The following DYNC1I2 variants were observed in gnomAD, a reference collection of about 807,000 sequenced individuals.
DYNC1I2 encodes the protein cytoplasmic dynein 1 intermediate chain 2.
A neutral mutation model predicts 88.6 loss-of-function variants in DYNC1I2; 53 were observed. The ratio of observed to expected loss-of-function variants is 0.60; its 90% CI spans 0.48 to 0.75. The LOEUF (loss-of-function observed/expected upper bound fraction) is 0.75. Among genes scored for constraint, DYNC1I2 ranks in the 30% least tolerant of loss-of-function variants. The pLI, the probability that DYNC1I2 is intolerant of heterozygous loss-of-function variation, is 0.00. For synonymous variants in DYNC1I2, 198 were observed against 254.6 expected (o/e 0.78, Z 2.12); for missense variants, 458 against 766.6 (o/e 0.60, Z 4.75).
intron 3 of DYNC1I2, among the ~76,000 whole-genome samples, chr2:171,698,173 TTTAA>T (rs1430688708): frequency 2.0e-5 from 3 of 152,324 alleles, no homozygotes; most frequent in East Asian, 1.9e-4. Context: ...ATCTAAGTTA[TTTAA>T]TTAAGAGTTG....
At chr2:171,707,606 C>G (rs950856458) in intron 5 of DYNC1I2, among the ~76,000 whole-genome samples, 2 of 151,898 alleles carry the variant, frequency 1.3e-5, no homozygotes, top group Non-Finnish European at 2.9e-5. Flanking sequence ...ACTAAATAGT[C>G]AACCGGTTTT....
At chr2:171,719,611 G>A (rs992882113) in intron 7 of DYNC1I2, among the ~76,000 whole-genome samples, 8 of 152,130 alleles carry the variant, frequency 5.3e-5, no homozygotes, top group Admixed American at 2.6e-4. Context: ...ACAGAAATCC[G>A]TGACTTACCA....
At chr2:171,703,332 C>T (rs940070941) in intron 3 of DYNC1I2, among the ~76,000 whole-genome samples, 4 of 152,140 alleles carry the variant, frequency 2.6e-5, no homozygotes, top group African/African-American at 9.7e-5. Flanking sequence ...ACCTCCTGGG[C>T]TCAAACAATC....
At chr2:171,710,122 TACACACACACACACACAC>T (rs55862813) in intron 5 of DYNC1I2, among the ~76,000 whole-genome samples, 45 of 144,438 alleles carry the variant, frequency 3.1e-4, no homozygotes, top group African/African-American at 9.9e-4. Flanking sequence ...TATGTATATA[TACACACACACACACACAC>T]ACACACACAC....
At chr2:171,726,680 G>T in intron 10 of DYNC1I2, 111 bp from the exon 11 acceptor site, 1 of 1,259,858 alleles carries the variant, frequency 7.9e-7, no homozygotes, top group Non-Finnish European at 1.1e-6. Flanking sequence ...TTGATGAAAT[G>T]TTAGGTATTT....
intron 3 of DYNC1I2, among the ~76,000 whole-genome samples, chr2:171,705,662 A>G (rs150353365): frequency 8.5e-4 from 129 of 152,200 alleles, no homozygotes; most frequent in Middle Eastern, 3.4e-3. Flanking sequence ...CAAAAAATGA[A>G]GAAATGTAAC....
intron 15 of DYNC1I2, among the ~76,000 whole-genome samples, chr2:171,734,912 T>A (rs911878451): frequency 6.6e-6 from 1 of 152,232 alleles, no homozygotes; most frequent in African/African-American, 2.4e-5. Context: ...GCAGTGTTTT[T>A]AAATAATCTC....
chr2:171,709,390 T>C (rs1193762798), intron 5 of DYNC1I2, among the ~76,000 whole-genome samples: 1 of 152,176 alleles, frequency 6.6e-6, no homozygotes, highest in Non-Finnish European at 1.5e-5. Flanking sequence ...TATTCATGTA[T>C]AGAACAAATA....
At chr2:171,728,102 G>T (rs975260054) in intron 12 of DYNC1I2, 135 bp downstream of exon 12, 3 of 1,135,092 alleles carry the variant, frequency 2.6e-6, no homozygotes, top group Admixed American at 3.4e-5. Context: ...TAGCAACCAA[G>T]AATGAAGGCT....
At chr2:171,710,490 A>G (rs1170229955) in intron 5 of DYNC1I2, among the ~76,000 whole-genome samples, 8 of 152,208 alleles carry the variant, frequency 5.3e-5, no homozygotes, top group Non-Finnish European at 1.0e-4. Flanking sequence ...ATAAGACATT[A>G]TAAAATATGC....
intron 15 of DYNC1I2, among the ~76,000 whole-genome samples, chr2:171,740,265 T>C (rs1689330713): frequency 6.6e-6 from 1 of 152,238 alleles, no homozygotes; most frequent in East Asian, 1.9e-4. Context: ...CGTTAACGTC[T>C]CTTCAGTCTT....
chr2:171,694,106 C>T lies in DYNC1I2; in HGVS notation c.226+1212C>T, dbSNP rs188503955. Among the ~76,000 whole-genome samples, 40 of 151,342 alleles carry T rather than the reference C, an allele frequency of 2.6e-4. 2 individuals carry two copies. The highest frequency in any genetic ancestry group is 3.4e-4 in the Non-Finnish European group (23 of 67,824). On this transcript the variant is annotated intron_variant, in intron 3 of 17. Coordinates refer to ENST00000397119, the MANE Select transcript of DYNC1I2 (RefSeq NM_001378.3). ...AGGCTGGAGTGCAGTGGCACAATCT[C>T]GGCTCACTGCAACCTCCACCTCCTG...
chr2:171,724,971 T>A (rs1028609910), intron 7 of DYNC1I2, among the ~76,000 whole-genome samples: 2 of 152,222 alleles, frequency 1.3e-5, no homozygotes, highest in Admixed American at 1.3e-4. Flanking sequence ...TTATTTTAAG[T>A]GCTTATTGCC....
chr2:171,691,726 T>C (rs1306269253), intron 2 of DYNC1I2, among the ~76,000 whole-genome samples: 1 of 152,182 alleles, frequency 6.6e-6, no homozygotes, highest in Non-Finnish European at 1.5e-5. Context: ...GAGAGCAAAT[T>C]TCATTTTTGT....
At chr2:171,701,033 G>C (rs1436314936) in intron 3 of DYNC1I2, among the ~76,000 whole-genome samples, 2 of 152,182 alleles carry the variant, frequency 1.3e-5, no homozygotes, top group Non-Finnish European at 2.9e-5. Flanking sequence ...TAAACCATTT[G>C]TAGCCAATAA....
In DYNC1I2 at chr2:171,748,985, T is replaced by G. The variant is rs909622921; in HGVS notation, c.*1096T>G. Among the ~76,000 whole-genome samples, 2 of 152,172 alleles carry G rather than the reference T, an allele frequency of 1.3e-5. No homozygotes were observed. Among genetic ancestry groups the G allele is most frequent in the Non-Finnish European group, 2.9e-5 (2 of 68,016 alleles). On this transcript the variant is annotated 3_prime_UTR_variant, in exon 18 of 18. Coordinates refer to ENST00000397119, the MANE Select transcript of DYNC1I2 (RefSeq NM_001378.3). ...TCTTGATTTTATCTACTTTAAATTG[T>G]CTATTTATTTGATCCCAACCTTTTG...
intron 8 of DYNC1I2, 84 bp from the exon 9 acceptor site, chr2:171,725,835 A>G (rs1359403097): frequency 2.9e-6 from 2 of 681,422 alleles, no homozygotes; most frequent in East Asian, 2.7e-5. Flanking sequence ...AAAAATAATA[A>G]CATACATTGA....
chr2:171,697,548 C>T (rs1685868029), intron 3 of DYNC1I2, among the ~76,000 whole-genome samples: 1 of 152,066 alleles, frequency 6.6e-6, no homozygotes, highest in South Asian at 2.1e-4. Flanking sequence ...GTGGTTCACA[C>T]CTGTCATCCC....
chr2:171,693,048 T>C, intron 3 of DYNC1I2, 154 bp downstream of exon 3: 1 of 637,574 alleles, frequency 1.6e-6, no homozygotes, highest in South Asian at 1.9e-5. Flanking sequence ...TTTTCAGATA[T>C]GCTAGTACAT....
Sources: gnomAD v4.1 joint callset for allele counts (sites outside exome capture counted in the v4.1 genomes callset) on GRCh38, gnomAD v4.1.1 for gene constraint, MANE v1.5 for transcripts, NCBI Gene and HGNC (gene_info 2026-07-23, HGNC 2026-07-21) for gene names.